Variants in MEI4 observed in about 807,000 individuals in gnomAD.
MEI4 encodes meiosis-specific protein MEI4.
In MEI4, 27 loss-of-function variants were observed where a neutral mutation model predicts 31.4. That is an observed-to-expected ratio of 0.86 (90% CI 0.63 to 1.19). The LOEUF (loss-of-function observed/expected upper bound fraction) is 1.19, where lower values mean the gene tolerates loss of function less well. MEI4 is among the 50% of genes most tolerant of loss of function. The probability of loss-of-function intolerance (pLI) is 0.00; values close to 1 mark genes in which losing one functional copy is unlikely to be tolerated. For missense variants in MEI4, 329 were observed against 398.9 expected (o/e 0.82, Z 1.49); for synonymous variants, 122 against 145.4 (o/e 0.84, Z 1.16).
At chr6:77,710,539 A>AAAAAAAAAAAAAG (rs1561953994) in intron 2 of MEI4, among the ~76,000 whole-genome samples, 4 of 120,738 alleles carry the variant, frequency 3.3e-5, no homozygotes, top group Non-Finnish European at 6.9e-5. Context: ...AAAAAAAAAA[A>AAAAAAAAAAAAAG]AAAGAAAAGG....
intron 4 of MEI4, among the ~76,000 whole-genome samples, chr6:77,887,588 C>A (rs984584143): frequency 6.6e-6 from 1 of 152,170 alleles, no homozygotes; most frequent in African/African-American, 2.4e-5. Flanking sequence ...ACAGCCACCG[C>A]ACCCGGCCTC....
At chr6:77,722,046 CT>C (rs1305672408) in intron 2 of MEI4, among the ~76,000 whole-genome samples, 1 of 122,638 alleles carries the variant, frequency 8.2e-6, no homozygotes, top group African/African-American at 3.1e-5. Flanking sequence ...GTGGCTGGTT[CT>C]TTATTATTTA....
chr6:77,742,462 G>A (rs1409112404), intron 2 of MEI4, among the ~76,000 whole-genome samples: 3 of 152,054 alleles, frequency 2.0e-5, no homozygotes, highest in Non-Finnish European at 2.9e-5. Context: ...ACTTTTTGAT[G>A]GGGTTGTTTG....
intron 4 of MEI4, among the ~76,000 whole-genome samples, chr6:77,901,394 T>A (rs1411203849): frequency 6.6e-6 from 1 of 152,070 alleles, no homozygotes; most frequent in African/African-American, 2.4e-5. Context: ...ATCTTCTTGA[T>A]GATAGTCATC....
At chr6:77,776,159 T>TTC (rs1768435217) in intron 3 of MEI4, among the ~76,000 whole-genome samples, 2 of 105,922 alleles carry the variant, frequency 1.9e-5, no homozygotes, top group African/African-American at 6.5e-5. Flanking sequence ...GCTAATTGTT[T>TTC]TTTTTTTGTT....
intron 4 of MEI4, among the ~76,000 whole-genome samples, chr6:77,901,109 T>C (rs1311540833): frequency 6.6e-6 from 1 of 152,074 alleles, no homozygotes; most frequent in African/African-American, 2.4e-5. Flanking sequence ...CTTCACCTGT[T>C]CATCTGTTGA....
chr6:77,765,741 T>C (rs1768158213), intron 3 of MEI4, among the ~76,000 whole-genome samples: 2 of 150,186 alleles, frequency 1.3e-5, no homozygotes, highest in South Asian at 4.1e-4. Flanking sequence ...TGCACACATA[T>C]GTTTATTGCA....
At chr6:77,757,893 C>T (rs1224586484) in intron 2 of MEI4, among the ~76,000 whole-genome samples, 1 of 152,138 alleles carries the variant, frequency 6.6e-6, no homozygotes, top group Non-Finnish European at 1.5e-5. Flanking sequence ...CGTGGTGGCT[C>T]ATGCCTGTAA....
intron 2 of MEI4, among the ~76,000 whole-genome samples, chr6:77,742,037 G>C (rs941484335): frequency 2.6e-5 from 4 of 151,826 alleles, no homozygotes; most frequent in Non-Finnish European, 5.9e-5. Flanking sequence ...CATTTGGCTT[G>C]GTTCCAAGTC....
At chr6:77,908,795 G>T (rs1454880440) in intron 4 of MEI4, among the ~76,000 whole-genome samples, 2 of 152,086 alleles carry the variant, frequency 1.3e-5, no homozygotes, top group Non-Finnish European at 2.9e-5. Context: ...AACAAGAAGA[G>T]CTAACTCTCC....
rs533521306 is a variant in MEI4 at position 77,749,790 on chromosome 6, G to A, written c.233-11340G>A. 2.6e-5 allele frequency among the ~76,000 whole-genome samples: 4 copies of A among 152,248 alleles called. No homozygotes were observed. In the South Asian group the frequency reaches 6.2e-4, roughly 24 times the overall value. On this transcript the variant is annotated intron_variant, in intron 2 of 4. Coordinates refer to ENST00000684080, the MANE Select transcript of MEI4 (RefSeq NM_001322247.2). The stretch of plus-strand genomic sequence containing the variant: ...AGAACACCACAAAGATACTCCTGAA[G>A]AAGAGCAACCCCAAGACACATAATG...
intron 4 of MEI4, among the ~76,000 whole-genome samples, chr6:77,864,155 G>A (rs1770951951): frequency 6.6e-6 from 1 of 152,114 alleles, no homozygotes; most frequent in Admixed American, 6.6e-5. Context: ...ATCGAGGCTA[G>A]GAAGTAACTG....
chr6:77,784,372 C>T (rs1768675910), intron 3 of MEI4, among the ~76,000 whole-genome samples: 1 of 152,256 alleles, frequency 6.6e-6, no homozygotes, highest in Non-Finnish European at 1.5e-5. Context: ...ACTGAGGAGA[C>T]ACTGTATCGA....
chr6:77,681,185 G>T (rs1768950962), intron 1 of MEI4, among the ~76,000 whole-genome samples: 1 of 151,960 alleles, frequency 6.6e-6, no homozygotes, highest in African/African-American at 2.4e-5. Flanking sequence ...GTCTCTTCTG[G>T]TTACTTCTTT....
At chr6:77,885,213 GC>G (rs1217471009) in intron 4 of MEI4, among the ~76,000 whole-genome samples, 2 of 150,580 alleles carry the variant, frequency 1.3e-5, no homozygotes, top group African/African-American at 4.9e-5. Flanking sequence ...TGAGACAGGG[GC>G]TAACTCTGTC....
At chr6:77,805,420 A>G (rs1769403680) in intron 3 of MEI4, among the ~76,000 whole-genome samples, 1 of 152,160 alleles carries the variant, frequency 6.6e-6, no homozygotes, top group Admixed American at 6.5e-5. Flanking sequence ...ACCATATAAA[A>G]TGTATATTTG....
At chr6:77,805,411 C>A (rs1213482221) in intron 3 of MEI4, among the ~76,000 whole-genome samples, 1 of 151,968 alleles carries the variant, frequency 6.6e-6, no homozygotes, top group South Asian at 2.1e-4. Context: ...AGATATTATA[C>A]CATATAAAAT....
chr6:77,681,020 C>CT (rs1768947023), intron 1 of MEI4, among the ~76,000 whole-genome samples: 2 of 152,164 alleles, frequency 1.3e-5, no homozygotes, highest in Non-Finnish European at 2.9e-5. Flanking sequence ...TACAAAATGA[C>CT]TTTTTTGGAT....
intron 4 of MEI4, among the ~76,000 whole-genome samples, chr6:77,884,186 A>C (rs960941112): frequency 1.3e-5 from 2 of 151,946 alleles, no homozygotes; most frequent in African/African-American, 4.8e-5. Flanking sequence ...TTCCTTTCCC[A>C]CTTTTTAATG....
Sources: allele counts gnomAD v4.1 joint callset (sites outside exome capture counted in the v4.1 genomes callset), GRCh38; gene constraint gnomAD v4.1.1; transcripts MANE v1.5; gene names NCBI Gene and HGNC (gene_info 2026-07-23, HGNC 2026-07-21).